PEX7: variants seen among roughly 807,000 people sequenced by gnomAD.
PEX7 encodes PTS2 receptor.
A neutral mutation model predicts 47.5 loss-of-function variants in PEX7; 34 were observed. The observed-to-expected ratio is 0.72, with a 90% CI of 0.54 to 0.95. The LOEUF (loss-of-function observed/expected upper bound fraction) is 0.95. Among genes scored for constraint, PEX7 ranks in the 40% least tolerant of loss-of-function variants. The pLI is 0.00. For missense variants in PEX7, 394 were observed against 400.3 expected (o/e 0.98, Z 0.13); for synonymous variants, 141 against 148.8 (o/e 0.95, Z 0.38).
At chr6:136,835,813 G>A (rs1774375395) in intron 3 of PEX7, among the ~76,000 whole-genome samples, 2 of 152,292 alleles carry the variant, frequency 1.3e-5, no homozygotes, top group South Asian at 4.1e-4. Context: ...AATAAAAGGA[G>A]CGATTTGATT....
chr6:136,870,321 C>T (rs1003025095), intron 7 of PEX7, among the ~76,000 whole-genome samples: 1 of 151,910 alleles, frequency 6.6e-6, no homozygotes, highest in Non-Finnish European at 1.5e-5. Context: ...GTATTATGTT[C>T]TTTATAAGTT....
chr6:136,855,729 G>C, intron 5 of PEX7: 2 of 393,102 alleles, frequency 5.1e-6, no homozygotes, highest in South Asian at 4.3e-5. Context: ...ACATGACCAT[G>C]ACAAACACCC....
intron 5 of PEX7, among the ~76,000 whole-genome samples, chr6:136,863,274 T>TAAG (rs1341018226): frequency 8.5e-5 from 13 of 152,188 alleles, no homozygotes; most frequent in Admixed American, 2.0e-4. Context: ...TACCCCCATT[T>TAAG]GGCCTGTCAG....
intron 9 of PEX7, among the ~76,000 whole-genome samples, chr6:136,910,596 T>C (rs1385006421): frequency 6.6e-6 from 1 of 152,224 alleles, no homozygotes; most frequent in Non-Finnish European, 1.5e-5. Flanking sequence ...AAAAAGTCTA[T>C]AATGCTCTCT....
intron 8 of PEX7, among the ~76,000 whole-genome samples, chr6:136,878,310 T>C (rs1268527518): frequency 2.0e-5 from 3 of 152,328 alleles, no homozygotes; most frequent in Non-Finnish European, 4.4e-5. Flanking sequence ...TTCTTTTGCC[T>C]GATTGCCCTG....
intron 6 of PEX7, among the ~76,000 whole-genome samples, chr6:136,868,363 AAATT>A (rs1396279936): frequency 6.6e-6 from 1 of 152,188 alleles, no homozygotes; most frequent in Non-Finnish European, 1.5e-5. Flanking sequence ...TCCCAGTTTT[AAATT>A]AATTAAAGTT....
intron 3 of PEX7, chr6:136,830,165 T>A (rs986495775): frequency 1.6e-6 from 1 of 634,002 alleles, no homozygotes; most frequent in Non-Finnish European, 2.8e-6. Flanking sequence ...CTTGCGTATG[T>A]CACATATTTT....
At chr6:136,892,614 TC>T (rs575302246) in intron 8 of PEX7, among the ~76,000 whole-genome samples, 178 of 152,316 alleles carry the variant, frequency 1.2e-3, no homozygotes, top group African/African-American at 3.5e-3. Context: ...GCCCATAAAT[TC>T]TTTGGTTGAC....
At chr6:136,843,213 T>C (rs1235545093) in intron 3 of PEX7, among the ~76,000 whole-genome samples, 1 of 152,226 alleles carries the variant, frequency 6.6e-6, no homozygotes, top group Non-Finnish European at 1.5e-5. Flanking sequence ...GACAAGTTAC[T>C]TAACCTCTCT....
intron 3 of PEX7, among the ~76,000 whole-genome samples, chr6:136,839,855 G>A (rs1422376991): frequency 6.6e-6 from 1 of 152,170 alleles, no homozygotes; most frequent in African/African-American, 2.4e-5. Context: ...ACCCTCCTGG[G>A]GTCCTTGCAC....
intron 8 of PEX7, among the ~76,000 whole-genome samples, chr6:136,873,566 C>T (rs1695346718): frequency 6.6e-6 from 1 of 152,080 alleles, no homozygotes; most frequent in Admixed American, 6.5e-5. Context: ...ATGATCTTAT[C>T]ACCTGCAAAT....
rs576001423 is a variant in PEX7, at chr6:136,863,339, G to C, written c.527-3288G>C. Among the ~76,000 whole-genome samples the C allele has an allele frequency of 1.7e-4, 26 of 152,108 alleles. No individual in the cohort carries two copies. The South Asian group carries it at 5.4e-3, about 32-fold the overall frequency. On this transcript the variant is annotated intron_variant, in intron 5 of 9. Coordinates refer to ENST00000318471, the MANE Select transcript of PEX7 (RefSeq NM_000288.4). Reference sequence around the variant, plus strand: ...TGGACGGAGGTACCATCCTTAGCTAGGTCCAAAAATGTTTGTTACTCTCAT... The same window carrying C: ...TGGACGGAGGTACCATCCTTAGCTACGTCCAAAAATGTTTGTTACTCTCAT...
intron 3 of PEX7, among the ~76,000 whole-genome samples, chr6:136,841,142 G>T (rs777040253): frequency 6.6e-6 from 1 of 152,150 alleles, no homozygotes; most frequent in Non-Finnish European, 1.5e-5. Flanking sequence ...GAATAGATGA[G>T]TGAATTGATT....
At chr6:136,832,338 C>G (rs1377126922) in intron 3 of PEX7, among the ~76,000 whole-genome samples, 6 of 152,252 alleles carry the variant, frequency 3.9e-5, no homozygotes, top group Admixed American at 3.9e-4. Flanking sequence ...TGAGGCTGCA[C>G]AGAGCAGCAG....
intron 5 of PEX7, among the ~76,000 whole-genome samples, chr6:136,851,017 T>G (rs1171473311): frequency 1.4e-4 from 18 of 129,972 alleles, no homozygotes; most frequent in African/African-American, 5.2e-4. Flanking sequence ...TTTTTTATTA[T>G]ACTCTAAGTT....
At chr6:136,855,528 C>T (rs556251405) in intron 5 of PEX7, among the ~76,000 whole-genome samples, 21 of 152,142 alleles carry the variant, frequency 1.4e-4, no homozygotes, top group South Asian at 1.2e-3. Flanking sequence ...TTAGTAGAGC[C>T]GGGCTTTCGC....
rs752887223 is a variant in PEX7, at chr6:136,845,564, AT to A, written c.340-50del. On this transcript the variant is annotated intron_variant, in intron 3 of 9. Coordinates refer to ENST00000318471, the MANE Select transcript of PEX7 (RefSeq NM_000288.4). The stretch of plus-strand genomic sequence containing the variant: ...GTTATGTAACAAGAGATAAAATGCA[AT>A]GTTGAACTTGATGGTCTTTTGCTTT... The A allele has an allele frequency of 2.1e-5, 21 of 995,866 alleles. No individual in the cohort carries two copies. The East Asian group carries it at 4.0e-4, about 19-fold the overall frequency. 61.7% of individuals were successfully genotyped at this position (995,866 alleles called of 1,614,324 possible).
At chr6:136,883,790 T>C (rs1775420543) in intron 8 of PEX7, among the ~76,000 whole-genome samples, 1 of 152,202 alleles carries the variant, frequency 6.6e-6, no homozygotes, top group Non-Finnish European at 1.5e-5. Flanking sequence ...GTTATTTATC[T>C]CAGTTAATGG....
chr6:136,876,301 T>G (rs1475717819), intron 8 of PEX7, among the ~76,000 whole-genome samples: 1 of 152,198 alleles, frequency 6.6e-6, no homozygotes, highest in East Asian at 1.9e-4. Flanking sequence ...CCTCCCAAAG[T>G]GCTGGGATTA....
Sources: gnomAD v4.1 joint callset for allele counts (sites outside exome capture counted in the v4.1 genomes callset) on GRCh38, gnomAD v4.1.1 for gene constraint, MANE v1.5 for transcripts, NCBI Gene and HGNC (gene_info 2026-07-23, HGNC 2026-07-21) for gene names.